Variants in ZBTB20 observed in about 807,000 individuals in gnomAD.
ZBTB20 encodes the protein zinc finger and BTB domain-containing protein 20.
In ZBTB20, 9 loss-of-function variants were observed where a neutral mutation model predicts 56.9. The ratio of observed to expected loss-of-function variants is 0.16; its 90% CI spans 0.10 to 0.28. The LOEUF (loss-of-function observed/expected upper bound fraction) is 0.28, where lower values mean the gene tolerates loss of function less well. Ranked by LOEUF, ZBTB20 falls within the 10% of genes least tolerant of loss-of-function variation. The pLI is 1.00. For missense variants in ZBTB20, 655 were observed against 1,003.0 expected (o/e 0.65, Z 4.69); for synonymous variants, 417 against 420.7 (o/e 0.99, Z 0.11).
At chr3:114,497,997 T>C (rs145976805) in intron 7 of ZBTB20, among the ~76,000 whole-genome samples, 5 of 152,122 alleles carry the variant, frequency 3.3e-5, no homozygotes, top group Admixed American at 3.3e-4. Flanking sequence ...GAGTGAGGGA[T>C]AAATTCTGTG....
intron 6 of ZBTB20, among the ~76,000 whole-genome samples, chr3:114,536,454 G>A (rs1577365880): frequency 6.6e-6 from 1 of 152,100 alleles, no homozygotes; most frequent in Non-Finnish European, 1.5e-5. Context: ...CCTCTTCAAA[G>A]AGAACTACAA....
At chr3:114,973,590 T>A (rs554027671) in intron 3 of ZBTB20, among the ~76,000 whole-genome samples, 1 of 152,270 alleles carries the variant, frequency 6.6e-6, no homozygotes, top group South Asian at 2.1e-4. Context: ...TGCACTGGTG[T>A]AAAGAAATTA....
At chr3:114,752,133 G>A (rs1370041248) in intron 5 of ZBTB20, among the ~76,000 whole-genome samples, 4 of 152,068 alleles carry the variant, frequency 2.6e-5, no homozygotes, top group Non-Finnish European at 4.4e-5. Flanking sequence ...GGTAAGTACC[G>A]TAAATCCAAT....
chr3:114,385,381 C>T (rs942364381), intron 8 of ZBTB20, among the ~76,000 whole-genome samples: 2 of 152,182 alleles, frequency 1.3e-5, no homozygotes, highest in South Asian at 4.1e-4. Context: ...GATTACTCCG[C>T]ATCTCTGAGC....
intron 4 of ZBTB20, among the ~76,000 whole-genome samples, chr3:114,862,390 C>A (rs988652699): frequency 2.1e-5 from 3 of 144,714 alleles, no homozygotes; most frequent in African/African-American, 7.3e-5. Context: ...TAAGAACATA[C>A]CTAAAATGGC....
intron 3 of ZBTB20, among the ~76,000 whole-genome samples, chr3:114,970,844 T>G (rs1212836930): frequency 2.6e-5 from 4 of 152,072 alleles, no homozygotes; most frequent in Admixed American, 6.6e-5. Context: ...TGAAACCTCG[T>G]GTCTACTAAA....
chr3:115,146,646 G>C (rs988338426), intron 1 of ZBTB20, among the ~76,000 whole-genome samples: 2 of 152,146 alleles, frequency 1.3e-5, no homozygotes, highest in African/African-American at 2.4e-5. Flanking sequence ...GACATCCAGC[G>C]GCTGTGGGGC....
chr3:114,557,907 C>A (rs1359616375), intron 6 of ZBTB20, among the ~76,000 whole-genome samples: 1 of 151,938 alleles, frequency 6.6e-6, no homozygotes, highest in Non-Finnish European at 1.5e-5. Flanking sequence ...TTACCATTTA[C>A]TAAAGTATTT....
chr3:114,373,294 G>A (rs1405515849), intron 10 of ZBTB20, among the ~76,000 whole-genome samples: 1 of 152,156 alleles, frequency 6.6e-6, no homozygotes, highest in Non-Finnish European at 1.5e-5. Flanking sequence ...TAGATGTCTT[G>A]CTTTATTATA....
rs2079414680 is a variant in ZBTB20, at chr3:114,335,339, G to GT, written c.*3665dup. 6.6e-6 allele frequency: 1 copy of GT among 152,022 alleles called. No homozygotes were observed. Among genetic ancestry groups the GT allele is most frequent in the Admixed American group, 6.6e-5 (1 of 15,266 alleles). The allele number at this position is 152,022 out of a possible 1,614,324, so 9.4% of individuals were successfully genotyped here. ...ATCACCCTACCATGAAGGTCTAAAT[G>GT]TAAGATGACTGTAGGACTTGAAACA... On this transcript the variant is annotated 3_prime_UTR_variant, in exon 12 of 12. Coordinates refer to ENST00000675478, the MANE Select transcript of ZBTB20 (RefSeq NM_001348800.3).
chr3:114,645,135 C>T (rs1361236089), intron 6 of ZBTB20, among the ~76,000 whole-genome samples: 1 of 151,940 alleles, frequency 6.6e-6, no homozygotes, highest in Non-Finnish European at 1.5e-5. Flanking sequence ...AAGAGCCATC[C>T]ATATAAAAAT....
Position 114,754,900 on chromosome 3 carries a change from T to C in ZBTB20, c.-343+46201A>G, listed in dbSNP as rs116728531. ...GTTAATACAGTATAATAAACCCTCATTGATTGTTGTAGAGAAATCCTACTA... is the reference window on the plus strand; with the variant it reads ...GTTAATACAGTATAATAAACCCTCACTGATTGTTGTAGAGAAATCCTACTA... On this transcript the variant is annotated intron_variant, in intron 5 of 11. Coordinates refer to ENST00000675478, the MANE Select transcript of ZBTB20 (RefSeq NM_001348800.3). Among the ~76,000 whole-genome samples, 393 of 152,022 alleles carry C rather than the reference T, an allele frequency of 2.6e-3. 2 individuals are homozygous for C. Among genetic ancestry groups the C allele is most frequent in the South Asian group, 5.0e-3 (24 of 4,832 alleles).
intron 6 of ZBTB20, among the ~76,000 whole-genome samples, chr3:114,530,804 C>A (rs2047758937): frequency 6.6e-6 from 1 of 151,968 alleles, no homozygotes; most frequent in Non-Finnish European, 1.5e-5. Flanking sequence ...TTTTTTAATT[C>A]TCATCACTGC....
At chr3:115,109,380 A>G (rs2083811159) in intron 1 of ZBTB20, among the ~76,000 whole-genome samples, 1 of 152,186 alleles carries the variant, frequency 6.6e-6, no homozygotes, top group Non-Finnish European at 1.5e-5. Context: ...GTGCGGCTAT[A>G]CTCAAAAACT....
intron 2 of ZBTB20, among the ~76,000 whole-genome samples, chr3:115,064,315 A>G (rs2082123039): frequency 1.3e-5 from 2 of 152,050 alleles, no homozygotes; most frequent in African/African-American, 4.8e-5. Context: ...ACAATTCCGG[A>G]GAAAGCAAGT....
intron 6 of ZBTB20, among the ~76,000 whole-genome samples, chr3:114,592,154 C>T (rs1244308427): frequency 6.6e-6 from 1 of 152,144 alleles, no homozygotes; most frequent in Non-Finnish European, 1.5e-5. Flanking sequence ...AGTCTCATCT[C>T]CTACTAATCA....
At chr3:114,701,547 A>G (rs986285547) in intron 5 of ZBTB20, among the ~76,000 whole-genome samples, 5 of 152,210 alleles carry the variant, frequency 3.3e-5, no homozygotes, top group African/African-American at 1.2e-4. Flanking sequence ...ATTTCATTTA[A>G]TACAAACCTG....
chr3:115,007,827 AT>A (rs2079540977), intron 2 of ZBTB20, among the ~76,000 whole-genome samples: 1 of 151,834 alleles, frequency 6.6e-6, no homozygotes, highest in Admixed American at 6.6e-5. Context: ...AATTGAATAT[AT>A]TTTGACTTGA....
intron 1 of ZBTB20, among the ~76,000 whole-genome samples, chr3:115,123,227 A>AG (rs2084232822): frequency 6.6e-6 from 1 of 152,082 alleles, no homozygotes; most frequent in African/African-American, 2.4e-5. Flanking sequence ...ATTATCTCTT[A>AG]ATATTTTTGT....
Sources: gnomAD v4.1 joint callset for allele counts (sites outside exome capture counted in the v4.1 genomes callset) on GRCh38, gnomAD v4.1.1 for gene constraint, MANE v1.5 for transcripts, NCBI Gene and HGNC (gene_info 2026-07-23, HGNC 2026-07-21) for gene names.